The following WIPF3 variants were observed in gnomAD, a reference collection of about 807,000 sequenced individuals.
WIPF3 encodes the protein WAS/WASL-interacting protein family member 3.
WIPF3 carries 33 observed loss-of-function variants against 38.9 expected under a neutral mutation model. The ratio of observed to expected loss-of-function variants is 0.85; its 90% CI spans 0.64 to 1.14. The LOEUF (loss-of-function observed/expected upper bound fraction) is 1.14. Ranked by LOEUF, WIPF3 falls within the 50% of genes most tolerant of loss-of-function variation. The pLI is 0.00. For missense variants in WIPF3, 711 were observed against 652.5 expected, an observed-to-expected ratio of 1.09 and a Z score of -0.98; for synonymous variants, 324 against 269.3, an observed-to-expected ratio of 1.20 and a Z score of -1.99.
intron 2 of WIPF3, among the ~76,000 whole-genome samples, chr7:29,867,312 T>C (rs547347815): frequency 6.6e-6 from 1 of 152,136 alleles, no homozygotes; most frequent in East Asian, 1.9e-4. Context: ...CGAGCCTGGA[T>C]GAATGGGGAG....
chr7:29,892,422 G>A (rs1380293783), intron 7 of WIPF3, among the ~76,000 whole-genome samples: 1 of 152,228 alleles, frequency 6.6e-6, no homozygotes, highest in Non-Finnish European at 1.5e-5. Context: ...TCCTGCCTAA[G>A]GCATTGGAGC....
chr7:29,870,557 T>C (rs752179219), intron 2 of WIPF3, among the ~76,000 whole-genome samples: 2 of 152,184 alleles, frequency 1.3e-5, no homozygotes, highest in Non-Finnish European at 2.9e-5. Context: ...CTGCAGATAG[T>C]AACCAAGTTA....
At chr7:29,866,859 C>T (rs898278676) in intron 2 of WIPF3, among the ~76,000 whole-genome samples, 3 of 152,244 alleles carry the variant, frequency 2.0e-5, no homozygotes, top group African/African-American at 7.2e-5. Context: ...GCTCTCCCAG[C>T]TTCAGGCCTG....
Position 29,904,369 on chromosome 7 carries a change from C to T in WIPF3, c.1428+7C>T. 1 of 1,613,594 alleles carries T rather than the reference C, an allele frequency of 6.2e-7. No homozygotes were observed. The highest frequency in any genetic ancestry group is 8.5e-7 in the Non-Finnish European group (1 of 1,179,522). Reference sequence around the variant, plus strand: ...CAAAGGCAGAAATTCTCAGGTAACACAAGCCTCATGTCTCTGAATGTAAAA... The same window carrying T: ...CAAAGGCAGAAATTCTCAGGTAACATAAGCCTCATGTCTCTGAATGTAAAA... On this transcript the variant is annotated splice_region_variant and intron_variant, in intron 8 of 8. Transcript: ENST00000242140.
intron 7 of WIPF3, among the ~76,000 whole-genome samples, chr7:29,897,016 A>G (rs10227569): frequency 0.71 from 107,936 of 152,068 alleles, 38,888 homozygotes; most frequent in South Asian, 0.89. Flanking sequence ...GCCCCTGGCA[A>G]TACCCTTCTA....
At chr7:29,808,760 A>G (rs1784326992) in intron 1 of WIPF3, among the ~76,000 whole-genome samples, 1 of 152,074 alleles carries the variant, frequency 6.6e-6, no homozygotes, top group African/African-American at 2.4e-5. Context: ...GGGGAAAGCC[A>G]GCTGGTCTAG....
chr7:29,897,823 T>A (rs1786184578), intron 7 of WIPF3, among the ~76,000 whole-genome samples: 1 of 152,164 alleles, frequency 6.6e-6, no homozygotes, highest in African/African-American at 2.4e-5. Context: ...TGAAGCCTGG[T>A]TTTTACTGCT....
At chr7:29,846,897 G>A (rs1347814654) in intron 2 of WIPF3, among the ~76,000 whole-genome samples, 1 of 152,208 alleles carries the variant, frequency 6.6e-6, no homozygotes, top group Non-Finnish European at 1.5e-5. Flanking sequence ...TTTCAGCTGT[G>A]CCATTTCCTA....
Position 29,844,528 on chromosome 7 carries a change from G to A in WIPF3, c.90+9714G>A, listed in dbSNP as rs966434429. ...ACTGAGGCACAGAAAGTTTACTTAC[G>A]TGCCCAGTGTCACACAGCCAGTCAT... On this transcript the variant is annotated intron_variant, in intron 2 of 8. Coordinates refer to ENST00000242140, the MANE Select transcript of WIPF3 (RefSeq NM_001080529.3). The surrounding 1 kb of genome is among the most constrained non-coding windows in gnomAD (Gnocchi z 4.8). Among the ~76,000 whole-genome samples, 9 of 152,186 alleles carry A rather than the reference G, an allele frequency of 5.9e-5. No homozygotes were observed. The highest frequency in any genetic ancestry group is 2.0e-4 in the Admixed American group (3 of 15,282).
intron 8 of WIPF3, among the ~76,000 whole-genome samples, chr7:29,908,495 A>G (rs150226025): frequency 1.1e-3 from 168 of 152,338 alleles, no homozygotes; most frequent in African/African-American, 3.7e-3. Flanking sequence ...TATATAACAG[A>G]CATATACAGT....
intron 7 of WIPF3, among the ~76,000 whole-genome samples, chr7:29,892,953 T>C (rs559371236): frequency 3.3e-5 from 5 of 152,168 alleles, no homozygotes; most frequent in African/African-American, 1.2e-4. Flanking sequence ...TAATCCCAGC[T>C]ACTTGGGAGG....
intron 1 of WIPF3, among the ~76,000 whole-genome samples, chr7:29,828,872 G>C (rs989658148): frequency 3.3e-5 from 5 of 152,206 alleles, no homozygotes; most frequent in African/African-American, 9.6e-5. Context: ...AAAAGACGGT[G>C]GGCAACCACA....
intron 2 of WIPF3, among the ~76,000 whole-genome samples, chr7:29,851,898 A>G (rs1274166531): frequency 6.6e-6 from 1 of 152,152 alleles, no homozygotes; most frequent in Non-Finnish European, 1.5e-5. Context: ...TTCTTGTTTC[A>G]TGTTGCTTTT....
At chr7:29,821,494 A>G (rs1309697957) in intron 1 of WIPF3, among the ~76,000 whole-genome samples, 2 of 152,214 alleles carry the variant, frequency 1.3e-5, no homozygotes, top group Admixed American at 6.5e-5. Context: ...GGGTCTCCCT[A>G]TATTTCCAGG....
At chr7:29,818,535 ATAT>A (rs745840954) in intron 1 of WIPF3, among the ~76,000 whole-genome samples, 14 of 148,438 alleles carry the variant, frequency 9.4e-5, no homozygotes, top group South Asian at 6.3e-4. Context: ...AAATTATATA[ATAT>A]TATATATAAT....
chr7:29,857,749 G>A (rs1161241365), intron 2 of WIPF3, among the ~76,000 whole-genome samples: 1 of 152,118 alleles, frequency 6.6e-6, no homozygotes, highest in Non-Finnish European at 1.5e-5. Flanking sequence ...ATATCTCTGT[G>A]TGTATATGTG....
chr7:29,845,386 GC>G (rs1784984074), intron 2 of WIPF3, among the ~76,000 whole-genome samples: 1 of 152,190 alleles, frequency 6.6e-6, no homozygotes, highest in South Asian at 2.1e-4. Context: ...ATTTAACTGA[GC>G]TTTGGCCACA....
chr7:29,829,190 G>T (rs1239973443), intron 1 of WIPF3, among the ~76,000 whole-genome samples: 2 of 150,720 alleles, frequency 1.3e-5, no homozygotes, highest in Non-Finnish European at 2.9e-5. Flanking sequence ...CTCTCCTGGG[G>T]CATTTATCTG....
chr7:29,845,643 T>C (rs1482761586), intron 2 of WIPF3, among the ~76,000 whole-genome samples: 1 of 152,254 alleles, frequency 6.6e-6, no homozygotes, highest in African/African-American at 2.4e-5. Flanking sequence ...CTAAGCTTGC[T>C]TCTCTGCATA....
Sources: allele counts gnomAD v4.1 joint callset (sites outside exome capture counted in the v4.1 genomes callset), GRCh38; gene constraint gnomAD v4.1.1; non-coding constraint Gnocchi (gnomAD v3.1); transcripts MANE v1.5; gene names NCBI Gene and HGNC (gene_info 2026-07-23, HGNC 2026-07-21).